The following IGSF10 variants were observed in gnomAD, a reference collection of about 807,000 sequenced individuals.
IGSF10 encodes the protein calvaria mechanical force protein 608.
IGSF10 carries 126 observed loss-of-function variants against 128.2 expected under a neutral mutation model. The ratio of observed to expected loss-of-function variants is 0.98; its 90% CI spans 0.85 to 1.14. The LOEUF is 1.14. Among genes scored for constraint, IGSF10 ranks in the 50% most tolerant of loss-of-function variants. The pLI, the probability that IGSF10 is intolerant of heterozygous loss-of-function variation, is 0.00. For missense variants in IGSF10, 3,295 were observed against 3,149.8 expected (o/e 1.05, Z -1.10); for synonymous variants, 1,185 against 1,146.2 (o/e 1.03, Z -0.68).
the IGSF10 span, among the ~76,000 whole-genome samples, chr3:151,587,874 T>C: frequency 6.6e-6 from 1 of 152,234 alleles, no homozygotes; most frequent in Non-Finnish European, 1.5e-5. Flanking sequence ...ATGTAAGACA[T>C]GACTTGCTAC....
At chr3:151,575,895 T>C in the IGSF10 span, among the ~76,000 whole-genome samples, 1 of 152,330 alleles carries the variant, frequency 6.6e-6, no homozygotes, top group Non-Finnish European at 1.5e-5. Flanking sequence ...AAGGCTTTCT[T>C]TGTGGACTTA....
chr3:151,458,664 C>G lies in IGSF10; in HGVS notation c.46G>C (p.Ala16Pro). 6.2e-7 allele frequency: 1 copy of G among 1,614,020 alleles called. No homozygotes were observed. Among genetic ancestry groups the G allele is most frequent in the Non-Finnish European group, 8.5e-7 (1 of 1,179,988 alleles). Residue 16 changes from alanine to proline, a missense_variant, in exon 3 of 8, where the codon GCT becomes CCT. Transcript: ENST00000282466. Reference sequence around the variant, plus strand: ...GGGGTGGCGACCAGGCAGATCACAGCAAAGGAGACCAGCAAGCAGGTGATT... The same window carrying G: ...GGGGTGGCGACCAGGCAGATCACAGGAAAGGAGACCAGCAAGCAGGTGATT... ...RGITCLLVSFAVICLVATPGG... is the reference protein window; with the variant it reads ...RGITCLLVSFPVICLVATPGG...
the IGSF10 span, among the ~76,000 whole-genome samples, chr3:151,562,756 T>C: frequency 9.9e-5 from 15 of 151,912 alleles, no homozygotes; most frequent in African/African-American, 3.6e-4. Flanking sequence ...TTGACTCCAG[T>C]AGGGAAGGCA....
rs1026386004 is a variant in IGSF10 at position 151,453,427 on chromosome 3, A to G, written c.672T>C (p.Asp224=). The G allele has an allele frequency of 6.2e-7, 1 of 1,608,832 alleles. No homozygotes were observed. Among genetic ancestry groups the G allele is most frequent in the Non-Finnish European group, 8.5e-7 (1 of 1,178,796 alleles). The change falls in exon 5 of 8, where the codon GAT becomes GAC. Residue 224 remains aspartate, a synonymous_variant. Transcript: ENST00000282466. ...AGTCAGACAACCACTTTAAATGGCAATCACAGGTCCATGGGTTTCCATGCA... is the reference window on the plus strand; with the variant it reads ...AGTCAGACAACCACTTTAAATGGCAGTCACAGGTCCATGGGTTTCCATGCA... ...LYLHGNPWTC[D]CHLKWLSDWI...
the IGSF10 span, among the ~76,000 whole-genome samples, chr3:151,515,729 G>A: frequency 5.5e-4 from 3 of 5,410 alleles, no homozygotes; most frequent in African/African-American, 7.6e-4. Flanking sequence ...TTACGTGTGT[G>A]TGTGTGTGTG....
chr3:151,596,661 T>C, the IGSF10 span, among the ~76,000 whole-genome samples: 55,169 of 151,988 alleles, frequency 0.36, 10,768 homozygotes, highest in African/African-American at 0.5. Context: ...CTTCCTTAGG[T>C]CCCAGTTACC....
the IGSF10 span, among the ~76,000 whole-genome samples, chr3:151,561,387 T>A: frequency 6.6e-6 from 1 of 152,148 alleles, no homozygotes; most frequent in Non-Finnish European, 1.5e-5. Context: ...CTTTTTAATC[T>A]CTATTATGAA....
the IGSF10 span, among the ~76,000 whole-genome samples, chr3:151,518,797 AAG>A: frequency 2.0e-5 from 3 of 152,064 alleles, no homozygotes; most frequent in South Asian, 4.1e-4. Context: ...ATTGATAACT[AAG>A]AGTCACTCTA....
chr3:151,508,989 C>A, the IGSF10 span, among the ~76,000 whole-genome samples: 2 of 152,158 alleles, frequency 1.3e-5, no homozygotes, highest in African/African-American at 2.4e-5. Flanking sequence ...TTACTAAAGT[C>A]ATTTCCACAG....
chr3:151,481,205 A>G, the IGSF10 span, among the ~76,000 whole-genome samples: 1 of 152,110 alleles, frequency 6.6e-6, no homozygotes, highest in African/African-American at 2.4e-5. Flanking sequence ...CCCTTGCATG[A>G]GCCGTGTGAC....
chr3:151,519,318 C>T, the IGSF10 span, among the ~76,000 whole-genome samples: 1 of 151,350 alleles, frequency 6.6e-6, no homozygotes, highest in Non-Finnish European at 1.5e-5. Context: ...CCCTCACTTG[C>T]ATGGGTCATG....
At chr3:151,569,584 G>A in the IGSF10 span, among the ~76,000 whole-genome samples, 1 of 152,118 alleles carries the variant, frequency 6.6e-6, no homozygotes, top group African/African-American at 2.4e-5. Context: ...AGGGACAAAT[G>A]TGTTCTACAG....
chr3:151,510,515 A>G, the IGSF10 span, among the ~76,000 whole-genome samples: 1 of 152,200 alleles, frequency 6.6e-6, no homozygotes, highest in Non-Finnish European at 1.5e-5. Flanking sequence ...AGACGGGGAA[A>G]AAACAGAGCA....
chr3:151,477,468 A>G, the IGSF10 span, among the ~76,000 whole-genome samples: 19 of 152,348 alleles, frequency 1.2e-4, no homozygotes, highest in African/African-American at 4.3e-4. Flanking sequence ...CTTCATATAC[A>G]TAATTCACAA....
chr3:151,574,418 C>G, the IGSF10 span, among the ~76,000 whole-genome samples: 1 of 152,064 alleles, frequency 6.6e-6, no homozygotes, highest in Non-Finnish European at 1.5e-5. Flanking sequence ...GTCTATTTCT[C>G]TTTACTCTTT....
chr3:151,471,606 T>C, the IGSF10 span, among the ~76,000 whole-genome samples: 1 of 152,248 alleles, frequency 6.6e-6, no homozygotes, highest in Admixed American at 6.5e-5. Context: ...GATGCGCTTT[T>C]GGAATACTAC....
chr3:151,592,681 A>G, the IGSF10 span, among the ~76,000 whole-genome samples: 1 of 152,188 alleles, frequency 6.6e-6, no homozygotes, highest in African/African-American at 2.4e-5. Flanking sequence ...AGAGTGCTCA[A>G]AACCTTGAAT....
At chr3:151,471,863 A>C in the IGSF10 span, among the ~76,000 whole-genome samples, 4 of 152,212 alleles carry the variant, frequency 2.6e-5, no homozygotes, top group Admixed American at 1.3e-4. Context: ...GAACTACATA[A>C]GATTAATCCA....
chr3:151,482,982 GTCTT>G, the IGSF10 span, among the ~76,000 whole-genome samples: 1 of 151,894 alleles, frequency 6.6e-6, no homozygotes, highest in African/African-American at 2.4e-5. Context: ...AAGGAGAATA[GTCTT>G]TTCAGATAAG....
Sources: allele counts gnomAD v4.1 joint callset (sites outside exome capture counted in the v4.1 genomes callset), GRCh38; gene constraint gnomAD v4.1.1; transcripts MANE v1.5; gene names NCBI Gene and HGNC (gene_info 2026-07-23, HGNC 2026-07-21).